The following GATA3 variants were observed in gnomAD, a reference collection of about 807,000 sequenced individuals.
GATA3 encodes GATA binding protein 3.
GATA3 carries 6 observed loss-of-function variants against 36.0 expected under a neutral mutation model. That is an observed-to-expected ratio of 0.17 (90% CI 0.09 to 0.33). The LOEUF is 0.33. GATA3 is among the 10% of genes least tolerant of loss of function. The pLI is 1.00. For missense variants in GATA3, 514 were observed against 610.1 expected (o/e 0.84, Z 1.66); for synonymous variants, 326 against 273.0 (o/e 1.19, Z -1.92).
intron 4 of GATA3, among the ~76,000 whole-genome samples, chr10:8,065,252 CT>C (rs34193161): frequency 2.5e-3 from 227 of 92,066 alleles, no homozygotes; most frequent in African/African-American, 4.3e-3. Flanking sequence ...GAAAAACTTT[CT>C]TTTTTTTTTT....
intron 3 of GATA3, among the ~76,000 whole-genome samples, 183 bp from the exon 4 acceptor site, chr10:8,063,810 G>A (rs147847903): frequency 1.3e-5 from 2 of 152,182 alleles, no homozygotes; most frequent in Non-Finnish European, 2.9e-5. Context: ...GTCATGCCAG[G>A]ACAGCATTCC....
chr10:8,057,418 A>T (rs1267684794), intron 2 of GATA3, among the ~76,000 whole-genome samples: 1 of 152,200 alleles, frequency 6.6e-6, no homozygotes, highest in Non-Finnish European at 1.5e-5. Context: ...GTCATCTTTC[A>T]TTTAAAATAT....
chr10:8,055,202 C>T lies in GATA3; in HGVS notation c.-369-85C>T, dbSNP rs1832604851. 7.5e-6 allele frequency: 2 copies of T among 265,814 alleles called. No individual in the cohort carries two copies. The highest frequency in any genetic ancestry group is 2.3e-5 in the African/African-American group (1 of 44,416). The allele number at this position is 265,814 out of a possible 1,614,324, so 16.5% of individuals were successfully genotyped here. ...CGCTCCCGTGCGGGTCTCGGGTGCG[C>T]TGGGCGGGCGGGCGGCGCGAGGGGA... On this transcript the variant is annotated intron_variant, in intron 1 of 5. Coordinates refer to ENST00000379328, the MANE Select transcript of GATA3 (RefSeq NM_001002295.2). This position sits in a 1 kb window ranked among gnomAD's most constrained non-coding sequence, Gnocchi z 5.4.
rs1460687388 is a variant in GATA3 at position 8,074,946 on chromosome 10, G to A, written c.*923G>A. On this transcript the variant is annotated 3_prime_UTR_variant, in exon 6 of 6. Coordinates refer to ENST00000379328, the MANE Select transcript of GATA3 (RefSeq NM_001002295.2). ...TTTCTTTTCCATTTTGTTTTTGGAT[G>A]ATATTTATTAAATAGCTTCTAAGAG... 8.6e-6 allele frequency: 2 copies of A among 233,584 alleles called. No individual in the cohort carries two copies. The highest frequency in any genetic ancestry group is 1.2e-4 in the East Asian group (2 of 16,594). The allele number at this position is 233,584 out of a possible 1,614,324, so 14.5% of individuals were successfully genotyped here.
chr10:8,051,589 A>G, upstream of GATA3: 1 of 155,036 alleles, frequency 6.5e-6, no homozygotes, highest in South Asian at 1.9e-4. Flanking sequence ...CTTGGGAGGA[A>G]GGGGACTCGC....
In GATA3 at chr10:8,055,523, C is replaced by T. The variant is rs1364245799; in HGVS notation, c.-133C>T. On this transcript the variant is annotated 5_prime_UTR_variant, in exon 2 of 6. Coordinates refer to ENST00000379328, the MANE Select transcript of GATA3 (RefSeq NM_001002295.2). This position sits in a 1 kb window ranked among gnomAD's most constrained non-coding sequence, Gnocchi z 5.4. ...TTTGCTTCCCAGCCTTCCCATCCCCCCACCGAAAGCAAATCATTCAACGAC... is the reference window on the plus strand; with the variant it reads ...TTTGCTTCCCAGCCTTCCCATCCCCTCACCGAAAGCAAATCATTCAACGAC... The T allele has an allele frequency of 3.0e-6, 3 of 995,772 alleles. No individual in the cohort carries two copies. Among genetic ancestry groups the T allele is most frequent in the African/African-American group, 1.6e-5 (1 of 62,178 alleles). 61.7% of individuals were successfully genotyped at this position (995,772 alleles called of 1,614,324 possible).
At chr10:8,058,028 C>A (rs1407067838) in intron 2 of GATA3, among the ~76,000 whole-genome samples, 1 of 152,200 alleles carries the variant, frequency 6.6e-6, no homozygotes, top group Non-Finnish European at 1.5e-5. Context: ...CCCTCTGCAG[C>A]AACCTCTCGG....
At chr10:8,047,070 A>G (rs263423) in intron 1 of GATA3, among the ~76,000 whole-genome samples, 113,606 of 152,130 alleles carry the variant, frequency 0.75, 43,546 homozygotes, top group East Asian at 0.95. Context: ...TTTGACATTT[A>G]CACCCTGCCT....
intron 2 of GATA3, among the ~76,000 whole-genome samples, chr10:8,056,544 G>T (rs187361401): frequency 1.4e-4 from 21 of 152,086 alleles, no homozygotes; most frequent in African/African-American, 3.4e-4. Flanking sequence ...AAGGGGTTTG[G>T]GGGGGAAGAC....
rs1164091515 is a variant in GATA3 at position 8,055,870 on chromosome 10, T to C, written c.215T>C (p.Val72Ala). ...PYYGNSVRATVQRYPPTHHGS... is the reference protein window; with the variant it reads ...PYYGNSVRATAQRYPPTHHGS... ...TACGGAAACTCGGTCAGGGCCACGG[T>C]GCAGAGGTACCCTCCGACCCACCAC... Residue 72 changes from valine (V) to alanine (A), a missense_variant, in exon 2 of 6, where the codon GTG becomes GCG. Val to Ala is a moderately conservative substitution (Grantham distance 64, BLOSUM62 0). Around this residue, in one of 3 missense-constraint regions of GATA3, gnomAD observed 381 missense variants for 354.3 expected, o/e 1.08. Transcript: ENST00000379328. This position sits in a 1 kb window ranked among gnomAD's most constrained non-coding sequence, Gnocchi z 5.4. 4.5e-6 allele frequency: 7 copies of C among 1,568,460 alleles called. No homozygotes were observed. In the African/African-American group the frequency reaches 5.4e-5, roughly 12 times the overall value.
At chr10:8,071,194 A>C (rs1362632243) in intron 5 of GATA3, among the ~76,000 whole-genome samples, 1 of 152,186 alleles carries the variant, frequency 6.6e-6, no homozygotes, top group African/African-American at 2.4e-5. Context: ...GGGAGTTATG[A>C]CTCAGAAAAG....
At chr10:8,059,134 C>T (rs1230303732) in intron 3 of GATA3, among the ~76,000 whole-genome samples, 5 of 152,214 alleles carry the variant, frequency 3.3e-5, no homozygotes, top group African/African-American at 1.2e-4. Flanking sequence ...TGTCGCAGGA[C>T]TTCTGGATTG....
Position 8,069,529 on chromosome 10 carries a change from A to G in GATA3, c.981A>G (p.Thr327=), listed in dbSNP as rs1277295159. Residue 327 remains threonine (T), a synonymous_variant, in exon 5 of 6, where the codon ACA becomes ACG. Transcript: ENST00000379328. ...SCANCQTTTT[T]LWRRNANGDP... is the part of the protein sequence containing the mutation. Reference sequence around the variant, plus strand: ...CGAACTGTCAGACCACCACAACCACACTCTGGAGGAGGAATGCCAATGGGG... The same window carrying G: ...CGAACTGTCAGACCACCACAACCACGCTCTGGAGGAGGAATGCCAATGGGG... 3.1e-6 allele frequency: 5 copies of G among 1,612,198 alleles called. No individual in the cohort carries two copies. The highest frequency in any genetic ancestry group is 2.2e-5 in the South Asian group (2 of 90,972).
At chr10:8,057,649 T>C (rs745612864) in intron 2 of GATA3, among the ~76,000 whole-genome samples, 14 of 152,154 alleles carry the variant, frequency 9.2e-5, no homozygotes, top group Non-Finnish European at 1.9e-4. Context: ...GCAAATCCCA[T>C]TTTAGGCCTT....
chr10:8,070,050 T>A (rs1055186592), intron 5 of GATA3, among the ~76,000 whole-genome samples: 2 of 152,206 alleles, frequency 1.3e-5, no homozygotes, highest in Non-Finnish European at 2.9e-5. Flanking sequence ...ACCCATTTGG[T>A]TACTGAGAGG....
In GATA3 at chr10:8,063,341, T is replaced by C. The variant is rs552959618; in HGVS notation, c.779-652T>C. Among the ~76,000 whole-genome samples, 13 of 152,300 alleles carry C rather than the reference T, an allele frequency of 8.5e-5. No individual in the cohort carries two copies. In the South Asian group the frequency reaches 2.7e-3, roughly 32 times the overall value. ...CTCCGTAACAGCGGCTGGAAAGCTA[T>C]GGAAACCCCTGCTGGGTCCTAATCG... On this transcript the variant is annotated intron_variant, in intron 3 of 5. Coordinates refer to ENST00000379328, the MANE Select transcript of GATA3 (RefSeq NM_001002295.2).
At chr10:8,057,742 C>T (rs763778749) in intron 2 of GATA3, among the ~76,000 whole-genome samples, 3 of 152,172 alleles carry the variant, frequency 2.0e-5, no homozygotes, top group Admixed American at 6.5e-5. Context: ...ACTTCTGTCC[C>T]AAGGCCTCTC....
chr10:8,071,772 G>C (rs1216353742), intron 5 of GATA3, among the ~76,000 whole-genome samples: 1 of 152,140 alleles, frequency 6.6e-6, no homozygotes, highest in African/African-American at 2.4e-5. Flanking sequence ...TGCCCTTCCA[G>C]ACATCTCTAC....
chr10:8,065,623 C>T (rs1457448604), intron 4 of GATA3, among the ~76,000 whole-genome samples: 3 of 150,244 alleles, frequency 2.0e-5, no homozygotes, highest in African/African-American at 7.4e-5. Flanking sequence ...TCCTGGATAT[C>T]GAGGCTTTAT....
Sources: allele counts gnomAD v4.1 joint callset (sites outside exome capture counted in the v4.1 genomes callset), GRCh38; gene constraint gnomAD v4.1.1; regional missense constraint gnomAD v4.1.1; non-coding constraint Gnocchi (gnomAD v3.1); transcripts MANE v1.5; gene names NCBI Gene and HGNC (gene_info 2026-07-23, HGNC 2026-07-21).